PDE1C: variants seen among roughly 807,000 people sequenced by gnomAD.
PDE1C encodes phosphodiesterase 1C, also known as dual specificity calcium/calmodulin-dependent 3',5'-cyclic nucleotide phosphodiesterase 1C.
A neutral mutation model predicts 93.1 loss-of-function variants in PDE1C; 62 were observed. That is an observed-to-expected ratio of 0.67 (90% CI 0.54 to 0.82). The LOEUF is 0.82. Among genes scored for constraint, PDE1C ranks in the 40% least tolerant of loss-of-function variants. The probability of loss-of-function intolerance (pLI) is 0.00; values close to 1 mark genes in which losing one functional copy is unlikely to be tolerated. For missense variants in PDE1C, 742 were observed against 884.6 expected (o/e 0.84, Z 2.04); for synonymous variants, 325 against 310.1 (o/e 1.05, Z -0.50).
intron 1 of PDE1C, among the ~76,000 whole-genome samples, chr7:32,413,945 G>C (rs1192365290): frequency 1.3e-5 from 2 of 152,070 alleles, no homozygotes; most frequent in Non-Finnish European, 2.9e-5. Flanking sequence ...GGGTGCGTTG[G>C]TTCATGCCTG....
intron 2 of PDE1C, among the ~76,000 whole-genome samples, chr7:31,969,524 A>C (rs539477596): frequency 1.3e-5 from 2 of 152,286 alleles, no homozygotes; most frequent in Admixed American, 1.3e-4. Flanking sequence ...AGAAATAGGA[A>C]CATTTTTACA....
intron 17 of PDE1C, among the ~76,000 whole-genome samples, chr7:31,774,951 A>T (rs1795732208): frequency 6.6e-6 from 1 of 152,168 alleles, no homozygotes; most frequent in Non-Finnish European, 1.5e-5. Flanking sequence ...CCCCAAACAG[A>T]TGTGCTTTTC....
chr7:31,964,886 A>T (rs1314906255), intron 2 of PDE1C, among the ~76,000 whole-genome samples: 1 of 152,248 alleles, frequency 6.6e-6, no homozygotes, highest in Non-Finnish European at 1.5e-5. Flanking sequence ...ACAGACCTAC[A>T]GCTGAGGGTC....
At chr7:31,892,532 C>A (rs552791968) in intron 2 of PDE1C, among the ~76,000 whole-genome samples, 4 of 152,284 alleles carry the variant, frequency 2.6e-5, no homozygotes, top group African/African-American at 9.6e-5. Context: ...TTTTTCAGTT[C>A]ATTCTCAGAA....
chr7:31,854,876 G>A (rs537263662), intron 7 of PDE1C, among the ~76,000 whole-genome samples: 199 of 152,138 alleles, frequency 1.3e-3, no homozygotes, highest in African/African-American at 4.7e-3. Flanking sequence ...AGACCAGACT[G>A]GCAAACATTG....
the PDE1C span, chr7:31,652,057 G>C: frequency 6.4e-7 from 1 of 1,569,800 alleles, no homozygotes; most frequent in Non-Finnish European, 8.7e-7. Flanking sequence ...ACTGGTATGG[G>C]TGATGGGGTG....
chr7:32,051,623 C>T (rs1793382603), intron 1 of PDE1C, 43 bp from the exon 2 acceptor site: 2 of 1,580,634 alleles, frequency 1.3e-6, no homozygotes, highest in African/African-American at 1.3e-5. Flanking sequence ...AGGGTTGTGG[C>T]AGGCAGTGGG....
At chr7:31,699,003 G>A in the PDE1C span, among the ~76,000 whole-genome samples, 1 of 152,152 alleles carries the variant, frequency 6.6e-6, no homozygotes, top group Non-Finnish European at 1.5e-5. Context: ...CAAGTGCTGG[G>A]CATACACTGG....
chr7:32,420,124 TACACACACACACACAC>T (rs1156625491), intron 1 of PDE1C, among the ~76,000 whole-genome samples: 307 of 13,004 alleles, frequency 0.024, 32 homozygotes, highest in Admixed American at 0.032. Flanking sequence ...TATATATATA[TACACACACACACACAC>T]ACACACACAC....
chr7:32,005,583 A>T (rs2128570933), intron 2 of PDE1C, among the ~76,000 whole-genome samples: 1 of 148,012 alleles, frequency 6.8e-6, no homozygotes, highest in South Asian at 2.2e-4. Context: ...AAAAAAAAAG[A>T]ATTGTGATCT....
At chr7:31,662,158 C>T in the PDE1C span, among the ~76,000 whole-genome samples, 4 of 152,190 alleles carry the variant, frequency 2.6e-5, no homozygotes, top group African/African-American at 7.2e-5. Context: ...CAGACATTGC[C>T]TCTGTTTATT....
chr7:31,816,250 G>A, intron 14 of PDE1C, 96 bp from the exon 15 acceptor site: 1 of 1,111,522 alleles, frequency 9.0e-7, no homozygotes, highest in Non-Finnish European at 1.3e-6. Flanking sequence ...GAGTATCTAA[G>A]GTGTTTACTG....
chr7:31,833,046 G>A (rs904295569), intron 11 of PDE1C, among the ~76,000 whole-genome samples: 4 of 152,102 alleles, frequency 2.6e-5, no homozygotes, highest in African/African-American at 9.7e-5. Flanking sequence ...TTGTGGAAGG[G>A]AGCCCGTGGG....
At chr7:32,207,166 C>A (rs1042150651) in intron 2 of PDE1C, among the ~76,000 whole-genome samples, 2 of 152,074 alleles carry the variant, frequency 1.3e-5, no homozygotes, top group African/African-American at 4.8e-5. Flanking sequence ...CAGAAGCAGC[C>A]CTTCCCAAGT....
intron 1 of PDE1C, among the ~76,000 whole-genome samples, chr7:32,367,547 A>G (rs1322050912): frequency 6.6e-6 from 1 of 152,222 alleles, no homozygotes; most frequent in East Asian, 1.9e-4. Flanking sequence ...GACAGGCTGA[A>G]AGTAAAGAGA....
chr7:32,337,730 G>C (rs1783657677), intron 1 of PDE1C, among the ~76,000 whole-genome samples: 1 of 151,562 alleles, frequency 6.6e-6, no homozygotes, highest in African/African-American at 2.4e-5. Context: ...GGGAAAGGAG[G>C]GGGGAGAAGA....
chr7:31,708,825 C>T, the PDE1C span, among the ~76,000 whole-genome samples: 25 of 152,270 alleles, frequency 1.6e-4, no homozygotes, highest in African/African-American at 5.1e-4. Flanking sequence ...AGTTTGGAGT[C>T]CCCTTAGTGA....
intron 1 of PDE1C, among the ~76,000 whole-genome samples, chr7:32,210,535 T>C (rs1292859294): frequency 2.6e-5 from 4 of 152,224 alleles, no homozygotes; most frequent in African/African-American, 9.6e-5. Context: ...TTACAAAGAA[T>C]GAAAGAAGTC....
intron 2 of PDE1C, among the ~76,000 whole-genome samples, chr7:32,040,224 T>G (rs1206464620): frequency 6.6e-6 from 1 of 152,248 alleles, no homozygotes; most frequent in African/African-American, 2.4e-5. Flanking sequence ...CTTAACACTT[T>G]TAATCTTTAT....
Sources: allele counts gnomAD v4.1 joint callset (sites outside exome capture counted in the v4.1 genomes callset), GRCh38; gene constraint gnomAD v4.1.1; transcripts MANE v1.5; gene names NCBI Gene and HGNC (gene_info 2026-07-23, HGNC 2026-07-21).